Variants in TMCC3 observed in about 807,000 individuals in gnomAD.
The protein encoded by TMCC3 is transmembrane and coiled-coil domain protein 3.
In TMCC3, 28 loss-of-function variants were observed where a neutral mutation model predicts 40.2. That is an observed-to-expected ratio of 0.70 (90% CI 0.52 to 0.95). TMCC3 has a LOEUF of 0.95. Ranked by LOEUF, TMCC3 falls within the 40% of genes least tolerant of loss-of-function variation. TMCC3 has a pLI of 0.00. For missense variants in TMCC3, 554 were observed against 615.2 expected, an observed-to-expected ratio of 0.90 and a Z score of 1.05; for synonymous variants, 255 against 248.5, an observed-to-expected ratio of 1.03 and a Z score of -0.25.
intron 3 of TMCC3, among the ~76,000 whole-genome samples, chr12:94,574,731 G>A (rs1156601480): frequency 6.6e-6 from 1 of 152,336 alleles, no homozygotes; most frequent in Admixed American, 6.5e-5. Context: ...TAACAGGCAT[G>A]TACTAGAAAT....
intron 1 of TMCC3, among the ~76,000 whole-genome samples, chr12:94,646,737 CTTTTTT>C (rs56738383): frequency 1.2e-4 from 16 of 131,804 alleles, no homozygotes; most frequent in South Asian, 7.1e-4. Context: ...CCGTGCCTGG[CTTTTTT>C]TTTTTTTTTT....
intron 1 of TMCC3, among the ~76,000 whole-genome samples, chr12:94,612,215 G>C (rs893177104): frequency 1.3e-5 from 2 of 152,120 alleles, no homozygotes; most frequent in African/African-American, 4.8e-5. Flanking sequence ...GACCAGGCTG[G>C]TCTCGAACTC....
intron 3 of TMCC3, among the ~76,000 whole-genome samples, chr12:94,578,164 A>G (rs1050076979): frequency 5.4e-5 from 8 of 149,282 alleles, no homozygotes; most frequent in South Asian, 2.1e-4. Context: ...AAAAAAAAAA[A>G]AAAAGAAAAA....
intron 1 of TMCC3, among the ~76,000 whole-genome samples, chr12:94,619,890 G>A (rs565472806): frequency 1.5e-4 from 23 of 152,272 alleles, no homozygotes; most frequent in Admixed American, 1.1e-3. Context: ...GCAGCCAGGC[G>A]CAGTAGCTCA....
chr12:94,609,327 A>C (rs1035317816), intron 1 of TMCC3, among the ~76,000 whole-genome samples: 1 of 152,218 alleles, frequency 6.6e-6, no homozygotes, highest in African/African-American at 2.4e-5. Context: ...GTGTGATTCA[A>C]CAGCCTGTGT....
intron 1 of TMCC3, among the ~76,000 whole-genome samples, chr12:94,628,569 A>T (rs1445969993): frequency 6.6e-6 from 1 of 152,236 alleles, no homozygotes; most frequent in Non-Finnish European, 1.5e-5. Flanking sequence ...TAAGCATCGC[A>T]GTGTCTGCTG....
intron 1 of TMCC3, among the ~76,000 whole-genome samples, chr12:94,645,532 G>A (rs1422264804): frequency 3.3e-5 from 5 of 152,186 alleles, no homozygotes; most frequent in Non-Finnish European, 7.3e-5. Context: ...CTGCCTCCCA[G>A]GTTCAAGCGA....
intron 1 of TMCC3, among the ~76,000 whole-genome samples, chr12:94,610,224 G>A (rs760017585): frequency 2.0e-5 from 3 of 152,170 alleles, no homozygotes; most frequent in Non-Finnish European, 4.4e-5. Flanking sequence ...TTACCATAGA[G>A]TGTATTTGCA....
At position 94,620,316 on chromosome 12, in the gene TMCC3, CTT is replaced by C. The variant is rs376988279; in HGVS notation, c.78+30035_78+30036del. On this transcript the variant is annotated intron_variant, in intron 1 of 3. Coordinates refer to ENST00000261226, the MANE Select transcript of TMCC3 (RefSeq NM_020698.4). ...TATTATTTTTTTTTTGAGACAGAGTCTTGCTCTGTCGCCCAGGCTGGAGTGTA... is the reference window on the plus strand; with the variant it reads ...TATTATTTTTTTTTTGAGACAGAGTCGCTCTGTCGCCCAGGCTGGAGTGTA... Among the ~76,000 whole-genome samples the C allele has an allele frequency of 1.7e-3, 248 of 148,230 alleles. No individual in the cohort carries two copies. The East Asian group carries it at 0.027, about 16-fold the overall frequency.
At chr12:94,628,149 T>G (rs974994808) in intron 1 of TMCC3, among the ~76,000 whole-genome samples, 1 of 152,184 alleles carries the variant, frequency 6.6e-6, no homozygotes, top group African/African-American at 2.4e-5. Flanking sequence ...TTCAGTGCCA[T>G]GAAAGGTGCC....
At chr12:94,640,644 C>T (rs1031216808) in intron 1 of TMCC3, among the ~76,000 whole-genome samples, 15 of 152,146 alleles carry the variant, frequency 9.9e-5, no homozygotes, top group South Asian at 6.2e-4. Flanking sequence ...GGCTGTGTGT[C>T]GTAGATGTGG....
At position 94,569,561 on chromosome 12, in the gene TMCC3, T is replaced by C. The variant is rs1428399213; in HGVS notation, c.*1874A>G. 6.6e-6 allele frequency: 1 copy of C among 152,128 alleles called. No individual in the cohort carries two copies. The highest frequency in any genetic ancestry group is 1.5e-5 in the Non-Finnish European group (1 of 68,034). 9.4% of individuals were successfully genotyped at this position (152,128 alleles called of 1,614,324 possible). A position where few individuals can be genotyped will look rare whatever the true frequency, so the allele number is the denominator to read the frequency against. Reference sequence around the variant, plus strand: ...AGATTTCATGAAATGACATTTATTGTTTAAAAAAGCGTGAGTCTGGAATTA... The same window carrying C: ...AGATTTCATGAAATGACATTTATTGCTTAAAAAAGCGTGAGTCTGGAATTA... On this transcript the variant is annotated 3_prime_UTR_variant, in exon 4 of 4. Transcript: ENST00000261226.
chr12:94,587,146 C>T (rs1442429575), intron 1 of TMCC3, among the ~76,000 whole-genome samples: 6 of 152,320 alleles, frequency 3.9e-5, no homozygotes, highest in South Asian at 4.1e-4. Context: ...CTATACAATA[C>T]ACTATACATT....
chr12:94,639,660 T>C (rs187700235), intron 1 of TMCC3, among the ~76,000 whole-genome samples: 83 of 115,294 alleles, frequency 7.2e-4, no homozygotes, highest in African/African-American at 3.0e-3. Flanking sequence ...AGGAAACACA[T>C]ATATGTAAAC....
At chr12:94,614,761 A>ATT (rs559601163) in intron 1 of TMCC3, among the ~76,000 whole-genome samples, 23 of 134,852 alleles carry the variant, frequency 1.7e-4, no homozygotes, top group East Asian at 4.2e-4. Context: ...CAACAGACAG[A>ATT]TTTTTTTTTT....
intron 1 of TMCC3, among the ~76,000 whole-genome samples, chr12:94,594,489 T>C (rs748430869): frequency 1.3e-5 from 2 of 152,158 alleles, no homozygotes; most frequent in African/African-American, 2.4e-5. Context: ...CAAGAGCTGC[T>C]AGGCACTAAA....
In TMCC3 at chr12:94,614,828, C is replaced by T. The variant is rs566746226; in HGVS notation, c.79-32290G>A. 6.7e-5 allele frequency among the ~76,000 whole-genome samples: 10 copies of T among 150,232 alleles called. No individual in the cohort carries two copies. In the East Asian group the frequency reaches 1.6e-3, roughly 24 times the overall value. On this transcript the variant is annotated intron_variant, in intron 1 of 3. Transcript: ENST00000261226. ...TCACCCAGGCTCGTGTGCAGTGGCG[C>T]GATCTCAGCTCACTGCAACCTCCAC...
At chr12:94,590,627 C>T (rs1253907261) in intron 1 of TMCC3, among the ~76,000 whole-genome samples, 1 of 152,154 alleles carries the variant, frequency 6.6e-6, no homozygotes, top group Non-Finnish European at 1.5e-5. Context: ...GTGCCCTTCT[C>T]TGTGCTGGCT....
At chr12:94,598,782 C>G (rs770671903) in intron 1 of TMCC3, 171 of 984,418 alleles carry the variant, frequency 1.7e-4, no homozygotes, top group Middle Eastern at 5.2e-4. Flanking sequence ...TAAGATCATA[C>G]TGTTTTGTGA....
Sources: gnomAD v4.1 joint callset for allele counts (sites outside exome capture counted in the v4.1 genomes callset) on GRCh38, gnomAD v4.1.1 for gene constraint, MANE v1.5 for transcripts, NCBI Gene and HGNC (gene_info 2026-07-23, HGNC 2026-07-21) for gene names.